Variants in KYAT3 observed in about 807,000 individuals in gnomAD.
KYAT3 encodes kynurenine aminotransferase 3, also known as kynurenine--oxoglutarate transaminase 3.
In KYAT3, 50 loss-of-function variants were observed where a neutral mutation model predicts 59.0. That is an observed-to-expected ratio of 0.85 (90% CI 0.68 to 1.07). The LOEUF (loss-of-function observed/expected upper bound fraction) is 1.07, where lower values mean the gene tolerates loss of function less well. Among genes scored for constraint, KYAT3 ranks in the 50% least tolerant of loss-of-function variants. KYAT3 has a pLI of 0.00. For missense variants in KYAT3, 497 were observed against 533.3 expected, an observed-to-expected ratio of 0.93 and a Z score of 0.67; for synonymous variants, 148 against 177.0, an observed-to-expected ratio of 0.84 and a Z score of 1.30.
chr1:88,987,932 G>A (rs1018987908), intron 2 of KYAT3, among the ~76,000 whole-genome samples: 18 of 152,068 alleles, frequency 1.2e-4, no homozygotes, highest in Admixed American at 9.8e-4. Context: ...AACCTTTTTC[G>A]ATCCCTGAGC....
the KYAT3 span, among the ~76,000 whole-genome samples, chr1:88,929,433 T>A: frequency 6.6e-6 from 1 of 152,154 alleles, no homozygotes; most frequent in East Asian, 1.9e-4. Context: ...ACATCCTGAC[T>A]CTCAATTCTT....
At chr1:88,953,815 G>A (rs1416183516) in intron 9 of KYAT3, among the ~76,000 whole-genome samples, 1 of 152,072 alleles carries the variant, frequency 6.6e-6, no homozygotes, top group Non-Finnish European at 1.5e-5. Flanking sequence ...AACTCTGAAA[G>A]AGGGCCTAAG....
intron 2 of KYAT3, among the ~76,000 whole-genome samples, chr1:88,986,367 T>C (rs1388641015): frequency 6.6e-6 from 1 of 151,730 alleles, no homozygotes; most frequent in African/African-American, 2.4e-5. Flanking sequence ...GGCTCACGCC[T>C]GTAATCCCAG....
intron 4 of KYAT3, among the ~76,000 whole-genome samples, 170 bp from the exon 5 acceptor site, chr1:88,965,148 A>G (rs1481953355): frequency 6.6e-6 from 1 of 152,224 alleles, no homozygotes; most frequent in African/African-American, 2.4e-5. Context: ...AATTTCCTAC[A>G]TTTAGAGTAT....
At chr1:88,990,538 C>G (rs966681868) in intron 1 of KYAT3, among the ~76,000 whole-genome samples, 9 of 152,118 alleles carry the variant, frequency 5.9e-5, no homozygotes, top group Non-Finnish European at 5.9e-5. Context: ...CCCTTTTTCC[C>G]CTGAGAAACA....
chr1:88,977,078 G>A (rs778885597), intron 2 of KYAT3, among the ~76,000 whole-genome samples: 3 of 152,158 alleles, frequency 2.0e-5, no homozygotes, highest in Non-Finnish European at 2.9e-5. Context: ...GCAGTGGCAC[G>A]ATCTCGGCTT....
intron 5 of KYAT3, among the ~76,000 whole-genome samples, chr1:88,963,977 C>A (rs765331048): frequency 6.6e-6 from 1 of 152,078 alleles, no homozygotes; most frequent in Non-Finnish European, 1.5e-5. Context: ...CTGAGGCAGG[C>A]GGATCACCTG....
intron 2 of KYAT3, chr1:88,983,312 CG>C (rs1424364970): frequency 1.2e-6 from 2 of 1,614,056 alleles, no homozygotes; most frequent in East Asian, 4.5e-5. Context: ...ACTGCTGCTG[CG>C]AACTAGTCCT....
intron 5 of KYAT3, among the ~76,000 whole-genome samples, chr1:88,963,268 A>G (rs1326393436): frequency 7.2e-5 from 11 of 152,178 alleles, no homozygotes; most frequent in Admixed American, 7.2e-4. Flanking sequence ...TAAGCCTTAT[A>G]ATACTCCCAA....
rs940042465 is a variant in KYAT3, at chr1:88,959,709, T to C, written c.787+1458A>G. On this transcript the variant is annotated intron_variant, in intron 8 of 13. Transcript: ENST00000260508. ...CCTTATCTAAGTACATGCTAGTTTA[T>C]GTTTTAGGAGTTTAGTTTCTATTTC... is the stretch of plus-strand genomic sequence containing the variant. Among the ~76,000 whole-genome samples, 56 of 152,170 alleles carry C rather than the reference T, an allele frequency of 3.7e-4. 1 individual carries two copies. Among genetic ancestry groups the C allele is most frequent in the Admixed American group, 2.6e-3 (39 of 15,290 alleles).
At chr1:88,926,015 C>G in the KYAT3 span, among the ~76,000 whole-genome samples, 3 of 152,104 alleles carry the variant, frequency 2.0e-5, no homozygotes, top group African/African-American at 7.2e-5. Context: ...ACCCAGGAAC[C>G]CGCGGGTGGC....
In KYAT3 at chr1:88,949,254, C is replaced by A. The variant is rs117578041; in HGVS notation, c.978G>T (p.Trp326Cys). Residue 326 changes from tryptophan (W) to cysteine (C), a missense_variant, in exon 11 of 14, where the codon TGG becomes TGT. Transcript: ENST00000260508. ...PLQEALAQAF[W>C]IDIKRMDDPE... ...GGTCATCCATGCGCTTGATGTCAAT[C>A]CAGAAAGCTTGAGCCAAGGCTTCCT... is the stretch of plus-strand genomic sequence containing the variant. 1,263 of 1,560,904 alleles carry A rather than the reference C, an allele frequency of 8.1e-4. 22 individuals carry two copies. In the East Asian group the frequency reaches 0.021, roughly 26 times the overall value.
chr1:88,976,847 A>G (rs1676807044), intron 2 of KYAT3, among the ~76,000 whole-genome samples: 1 of 152,246 alleles, frequency 6.6e-6, no homozygotes, highest in South Asian at 2.1e-4. Flanking sequence ...AAAATTACTA[A>G]AAATAGAAAA....
At chr1:88,968,923 C>T (rs1676447826) in intron 3 of KYAT3, 109 bp from the exon 4 acceptor site, 4 of 784,114 alleles carry the variant, frequency 5.1e-6, no homozygotes, top group Non-Finnish European at 7.7e-6. Context: ...CTAGTTTAGT[C>T]CTATAGGTTT....
At chr1:88,948,844 A>G (rs1049894843) in intron 11 of KYAT3, among the ~76,000 whole-genome samples, 1 of 152,250 alleles carries the variant, frequency 6.6e-6, no homozygotes, top group Non-Finnish European at 1.5e-5. Context: ...AGAGAGTGAT[A>G]GCAAATCCTA....
intron 2 of KYAT3, among the ~76,000 whole-genome samples, chr1:88,974,183 T>C (rs1048751812): frequency 1.3e-5 from 2 of 152,108 alleles, no homozygotes; most frequent in South Asian, 2.1e-4. Context: ...ACCCTTTTCA[T>C]GGGGGGCCTG....
intron 5 of KYAT3, among the ~76,000 whole-genome samples, chr1:88,963,409 C>G (rs1353882922): frequency 6.6e-6 from 1 of 152,180 alleles, no homozygotes; most frequent in Non-Finnish European, 1.5e-5. Context: ...AACATCTTGT[C>G]TGGCATAGTG....
chr1:88,990,484 C>A (rs553949047), intron 1 of KYAT3, among the ~76,000 whole-genome samples: 2 of 152,316 alleles, frequency 1.3e-5, no homozygotes, highest in Non-Finnish European at 2.9e-5. Flanking sequence ...TTGCAATTCT[C>A]ACTTTCCTAG....
intron 2 of KYAT3, 50 bp from the exon 3 acceptor site, chr1:88,969,517 A>G: frequency 9.8e-7 from 1 of 1,023,214 alleles, no homozygotes; most frequent in Non-Finnish European, 1.5e-6. Flanking sequence ...AAATTTTAAA[A>G]GCCAGTAAAT....
Sources: allele counts gnomAD v4.1 joint callset (sites outside exome capture counted in the v4.1 genomes callset), GRCh38; gene constraint gnomAD v4.1.1; transcripts MANE v1.5; gene names NCBI Gene and HGNC (gene_info 2026-07-23, HGNC 2026-07-21).